The following UAP1 variants were observed in gnomAD, a reference collection of about 807,000 sequenced individuals.
UAP1 encodes the protein UDP-N-acetylhexosamine pyrophosphorylase.
A neutral mutation model predicts 58.5 loss-of-function variants in UAP1; 25 were observed. The observed-to-expected ratio is 0.43, with a 90% CI of 0.31 to 0.60. The LOEUF (loss-of-function observed/expected upper bound fraction) is 0.60. UAP1 is among the 20% of genes least tolerant of loss of function. The pLI is 0.11. For synonymous variants in UAP1, 208 were observed against 213.0 expected, an observed-to-expected ratio of 0.98 and a Z score of 0.21; for missense variants, 575 against 630.0, an observed-to-expected ratio of 0.91 and a Z score of 0.93.
chr1:162,593,113 T>C, intron 9 of UAP1: 1 of 324,696 alleles, frequency 3.1e-6, no homozygotes, highest in Non-Finnish European at 5.7e-6. Context: ...TAACATAAGC[T>C]TATACGGGGT....
At chr1:162,594,995 A>G (rs1176530106) in intron 9 of UAP1, among the ~76,000 whole-genome samples, 1 of 152,244 alleles carries the variant, frequency 6.6e-6, no homozygotes, top group South Asian at 2.1e-4. Context: ...AGAAGCAACT[A>G]GGAGGTATTC....
chr1:162,568,155 T>C (rs1396324575), intron 2 of UAP1, among the ~76,000 whole-genome samples: 1 of 152,242 alleles, frequency 6.6e-6, no homozygotes, highest in African/African-American at 2.4e-5. Context: ...TACAATCTTA[T>C]AGTCTATATT....
chr1:162,574,877 T>C (rs148570349), intron 2 of UAP1, among the ~76,000 whole-genome samples: 24 of 152,320 alleles, frequency 1.6e-4, no homozygotes, highest in African/African-American at 5.8e-4. Context: ...TCAAATCATC[T>C]TGAATTTATT....
chr1:162,597,537 A>G (rs1227342271), intron 9 of UAP1: 1 of 427,352 alleles, frequency 2.3e-6, no homozygotes, highest in Non-Finnish European at 4.2e-6. Flanking sequence ...GACAGTGTGT[A>G]AAAACTAGTG....
intron 9 of UAP1, chr1:162,593,048 T>TG (rs1655415071): frequency 3.9e-6 from 2 of 514,294 alleles, no homozygotes; most frequent in African/African-American, 1.9e-5. Context: ...GATTTTCAGA[T>TG]GATAGGTAAG....
intron 2 of UAP1, among the ~76,000 whole-genome samples, chr1:162,567,032 A>G (rs529667887): frequency 2.0e-5 from 3 of 152,116 alleles, no homozygotes; most frequent in Admixed American, 2.0e-4. Context: ...ACATGATACC[A>G]TGCCTTCCCT....
At chr1:162,570,365 G>T (rs1342243013) in intron 2 of UAP1, among the ~76,000 whole-genome samples, 2 of 152,000 alleles carry the variant, frequency 1.3e-5, no homozygotes, top group Non-Finnish European at 2.9e-5. Context: ...AGGATATTTT[G>T]AAACAAATAT....
At chr1:162,584,877 A>C (rs1654811279) in intron 5 of UAP1, among the ~76,000 whole-genome samples, 1 of 152,186 alleles carries the variant, frequency 6.6e-6, no homozygotes, top group African/African-American at 2.4e-5. Flanking sequence ...GTAGTTTGCA[A>C]AAGTACAAAG....
At chr1:162,584,938 A>C (rs1654814301) in intron 5 of UAP1, among the ~76,000 whole-genome samples, 1 of 152,230 alleles carries the variant, frequency 6.6e-6, no homozygotes, top group African/African-American at 2.4e-5. Context: ...TAAAGCAATT[A>C]TAGTAACTCT....
rs140079836 is a variant in UAP1 at position 162,575,889 on chromosome 1, G to A, written c.281-888G>A. 5.3e-3 allele frequency among the ~76,000 whole-genome samples: 799 copies of A among 152,100 alleles called. 7 individuals are homozygous for A. Among genetic ancestry groups the A allele is most frequent in the African/African-American group, 0.018 (763 of 41,490 alleles). ...AGTAGAGACAGGTTTCGCTATGTTG[G>A]CCAGACTGCTCTCAAACTCCTGACC... On this transcript the variant is annotated intron_variant, in intron 2 of 10. Transcript: ENST00000271469.
intron 5 of UAP1, among the ~76,000 whole-genome samples, chr1:162,581,772 C>T (rs1016337461): frequency 1.3e-5 from 2 of 152,120 alleles, no homozygotes; most frequent in East Asian, 3.8e-4. Flanking sequence ...TCAGATTAAC[C>T]CAACTTTTTT....
At chr1:162,588,577 C>A in intron 6 of UAP1, 116 bp from the exon 7 acceptor site, 1 of 1,065,270 alleles carries the variant, frequency 9.4e-7, no homozygotes, top group Non-Finnish European at 1.3e-6. Context: ...CTTAAATGCT[C>A]TTCACTTTGA....
At chr1:162,588,726 T>C in exon 7 of UAP1, 3 of 1,612,288 alleles carry the variant, frequency 1.9e-6, no homozygotes, top group Admixed American at 1.7e-5. Context: ...ACCATGTGGC[T>C]CAAAAGAAGA....
At chr1:162,586,044 T>TA (rs1654887466) in intron 5 of UAP1, among the ~76,000 whole-genome samples, 1 of 152,188 alleles carries the variant, frequency 6.6e-6, no homozygotes, top group African/African-American at 2.4e-5. Context: ...ACAACAGGCT[T>TA]ACTTATCCAG....
chr1:162,566,491 T>C (rs1653516550), intron 2 of UAP1, 143 bp downstream of exon 2: 1 of 829,258 alleles, frequency 1.2e-6, no homozygotes, highest in East Asian at 2.8e-5. Flanking sequence ...ATTGTCTTTT[T>C]ATTTTTGATG....
At chr1:162,575,746 GCTGGAGTGCAGTGGCGCGAT>G (rs1557968982) in intron 2 of UAP1, among the ~76,000 whole-genome samples, 1 of 151,622 alleles carries the variant, frequency 6.6e-6, no homozygotes. Context: ...TGTCACCCAG[GCTGGAGTGCAGTGGCGCGAT>G]CTCGGCTCAC....
At chr1:162,591,705 C>G (rs78571473) in intron 8 of UAP1, among the ~76,000 whole-genome samples, 1 of 151,918 alleles carries the variant, frequency 6.6e-6, no homozygotes, top group African/African-American at 2.4e-5. Flanking sequence ...AGGCTAGTCC[C>G]GAAATCCTGA....
chr1:162,576,918 A>G, exon 3 of UAP1: 1 of 1,614,184 alleles, frequency 6.2e-7, no homozygotes, highest in Non-Finnish European at 8.5e-7. Flanking sequence ...ATTCAAGCAG[A>G]GCGTATCCTG....
intron 2 of UAP1, among the ~76,000 whole-genome samples, chr1:162,572,510 C>CT (rs1373194787): frequency 6.6e-6 from 1 of 152,154 alleles, no homozygotes; most frequent in African/African-American, 2.4e-5. Flanking sequence ...AATAACTTTC[C>CT]TGGGACTGAG....
Sources: allele counts gnomAD v4.1 joint callset (sites outside exome capture counted in the v4.1 genomes callset), GRCh38; gene constraint gnomAD v4.1.1; transcripts MANE v1.5; gene names NCBI Gene and HGNC (gene_info 2026-07-23, HGNC 2026-07-21).